The following ERCC4 variants were observed in gnomAD, a reference collection of about 807,000 sequenced individuals.
The protein encoded by ERCC4 is ERCC excision repair 4, endonuclease catalytic subunit.
In ERCC4, 65 loss-of-function variants were observed where a neutral mutation model predicts 76.9. That is an observed-to-expected ratio of 0.84 (90% CI 0.69 to 1.04). The LOEUF (loss-of-function observed/expected upper bound fraction) is 1.04, where lower values mean the gene tolerates loss of function less well. ERCC4 is among the 50% of genes least tolerant of loss of function. The pLI is 0.00. For missense variants in ERCC4, 1,214 were observed against 1,128.2 expected, an observed-to-expected ratio of 1.08 and a Z score of -1.09; for synonymous variants, 463 against 410.1, an observed-to-expected ratio of 1.13 and a Z score of -1.56.
At chr16:13,933,183 A>G in intron 6 of ERCC4, 1 of 220,156 alleles carries the variant, frequency 4.5e-6, no homozygotes, top group South Asian at 4.6e-5. Context: ...TCACACCACT[A>G]TACTCCAGCC....
In ERCC4 at chr16:13,928,144, A is replaced by G. The variant is rs1489721598; in HGVS notation, c.701A>G (p.Asn234Ser). Residue 234 changes from asparagine to serine, a missense_variant, in exon 4 of 11, where the codon AAT (asparagine) becomes AGT (serine). Asn to Ser is a conservative substitution (Grantham distance 46). Coordinates refer to ENST00000311895, the MANE Select transcript of ERCC4 (RefSeq NM_005236.3). ...AIQTAILDIL[N>S]ACLKELKCHN... Reference sequence around the variant, plus strand: ...CAGACTGCTATACTGGACATTTTAAATGCATGTCTAAAGGAACTAAAATGC... The same window carrying G: ...CAGACTGCTATACTGGACATTTTAAGTGCATGTCTAAAGGAACTAAAATGC... 1.9e-6 allele frequency: 3 copies of G among 1,613,222 alleles called. No individual in the cohort carries two copies. Among genetic ancestry groups the G allele is most frequent in the Non-Finnish European group, 2.5e-6 (3 of 1,179,276 alleles).
Position 13,948,682 on chromosome 16 carries a change from G to T in ERCC4, c.*335G>T, listed in dbSNP as rs1051219906. ...ATCCTAACAGATCTCATTTAGAAAG[G>T]AATATGCTAAGCCTGGCATGGACGG... On this transcript the variant is annotated 3_prime_UTR_variant, in exon 11 of 11. Coordinates refer to ENST00000311895, the MANE Select transcript of ERCC4 (RefSeq NM_005236.3). 6 of 306,788 alleles carry T rather than the reference G, an allele frequency of 2.0e-5. No individual in the cohort carries two copies. In the South Asian group the frequency reaches 2.6e-4, roughly 13 times the overall value. 19.0% of individuals were successfully genotyped at this position (306,788 alleles called of 1,614,324 possible). A position where few individuals can be genotyped will look rare whatever the true frequency, so the allele number is the denominator to read the frequency against.
chr16:13,946,668 A>T (rs189934672), intron 10 of ERCC4, among the ~76,000 whole-genome samples: 3 of 152,222 alleles, frequency 2.0e-5, no homozygotes, highest in Non-Finnish European at 4.4e-5. Flanking sequence ...CAGCATTAGC[A>T]TCACCTGGCA....
Position 13,944,731 on chromosome 16 carries a change from C to G in ERCC4, c.1913C>G (p.Ala638Gly). 1.2e-6 allele frequency: 2 copies of G among 1,611,248 alleles called. No homozygotes were observed. Among genetic ancestry groups the G allele is most frequent in the South Asian group, 2.2e-5 (2 of 91,034 alleles). ...AATGTTTTCTCCCACAGGGAAAAAG[C>G]AAGCATGGTTGTCCCTGAAGAAAGA... ...EAFEKLIREK[A>G]SMVVPEEREG... The change falls in exon 10 of 11, where the codon GCA (alanine) becomes GGA (glycine). Residue 638 changes from alanine (A) to glycine (G), a missense_variant. Coordinates refer to ENST00000311895, the MANE Select transcript of ERCC4 (RefSeq NM_005236.3).
chr16:13,926,573 A>T lies in ERCC4; in HGVS notation c.401A>T (p.Tyr134Phe), dbSNP rs745648039. The change falls in exon 3 of 11, where the codon TAT (tyrosine) becomes TTT (phenylalanine). Residue 134 changes from tyrosine (Y) to phenylalanine (F), a missense_variant. Coordinates refer to ENST00000311895, the MANE Select transcript of ERCC4 (RefSeq NM_005236.3). ...TTCTCCCCCTCAGGCATCTTGGTGT[A>T]TAGAGCCCACAGAATAATCGAGTCT... ...PSDLITGILV[Y>F]RAHRIIESCQ... 13 of 1,614,052 alleles carry T rather than the reference A, an allele frequency of 8.1e-6. No individual in the cohort carries two copies. Among genetic ancestry groups the T allele is most frequent in the Non-Finnish European group, 1.1e-5 (13 of 1,179,900 alleles).
At position 13,934,266 on chromosome 16, in the gene ERCC4, G is replaced by T. The variant is rs926937433; in HGVS notation, c.1177G>T (p.Ala393Ser). Residue 393 changes from alanine (A) to serine (S), a missense_variant, in exon 7 of 11, where the codon GCA (alanine) becomes TCA (serine). Physicochemically the swap from Ala to Ser is moderately conservative, Grantham distance 99. Transcript: ENST00000311895. ...GACTGAAGTATTAAAAGAAATTGAG[G>T]CAGAAAATAAGGAGAGTGAAGCTCT... is the stretch of plus-strand genomic sequence containing the variant. ...ALTEVLKEIEAENKESEALGG... is the reference protein window; with the variant it reads ...ALTEVLKEIESENKESEALGG... 6.2e-7 allele frequency: 1 copy of T among 1,612,890 alleles called. No homozygotes were observed.
rs764739776 is a variant in ERCC4, at chr16:13,935,382, A to T, written c.1450A>T (p.Thr484Ser). ...AGAACGGGCTTCTACCAAAGAAAGA[A>T]CCCTCAAAAAGAAAAAACGGAAGTT... ...NKERASTKER[T>S]LKKKKRKLTL... The change falls in exon 8 of 11, where the codon ACC becomes TCC. Residue 484 changes from threonine to serine, a missense_variant. Transcript: ENST00000311895. 1.9e-6 allele frequency: 3 copies of T among 1,607,776 alleles called. No homozygotes were observed. The highest frequency in any genetic ancestry group is 2.2e-5 in the East Asian group (1 of 44,860).
At chr16:13,929,761 C>T (rs2032137949) in intron 4 of ERCC4, among the ~76,000 whole-genome samples, 2 of 152,062 alleles carry the variant, frequency 1.3e-5, no homozygotes, top group African/African-American at 2.4e-5. Context: ...GTCAGGAGAT[C>T]GAGACCATCC....
rs911237028 is a variant in ERCC4, at chr16:13,948,911, G to A, written c.*564G>A. On this transcript the variant is annotated 3_prime_UTR_variant, in exon 11 of 11. Transcript: ENST00000311895. ...GTTCTGACCCTTTGTCTACAAAGGA[G>A]CCTTCTGGAACACTGAGAAGAAACA... 4.3e-6 allele frequency: 1 copy of A among 232,508 alleles called. No individual in the cohort carries two copies. The highest frequency in any genetic ancestry group is 1.8e-4 in the South Asian group (1 of 5,516). 14.4% of individuals were successfully genotyped at this position (232,508 alleles called of 1,614,324 possible).
chr16:13,937,578 C>G (rs187453417), intron 8 of ERCC4, among the ~76,000 whole-genome samples, 188 bp from the exon 9 acceptor site: 1 of 152,134 alleles, frequency 6.6e-6, no homozygotes, highest in Non-Finnish European at 1.5e-5. Context: ...TGTGTGGTAA[C>G]GAGACCTTTA....
chr16:13,937,323 G>A (rs954031395), intron 8 of ERCC4, among the ~76,000 whole-genome samples: 2 of 151,978 alleles, frequency 1.3e-5, no homozygotes, highest in African/African-American at 4.8e-5. Flanking sequence ...ATGTGTGACC[G>A]CTGTATTCTG....
At chr16:13,925,980 T>A (rs1475598315) in intron 2 of ERCC4, among the ~76,000 whole-genome samples, 1 of 152,226 alleles carries the variant, frequency 6.6e-6, no homozygotes, top group Non-Finnish European at 1.5e-5. Flanking sequence ...TGAAGGTTTT[T>A]GTTTTAAATG....
At chr16:13,937,708 C>G in intron 8 of ERCC4, 58 bp from the exon 9 acceptor site, 1 of 1,026,196 alleles carries the variant, frequency 9.7e-7, no homozygotes, top group Non-Finnish European at 1.6e-6. Flanking sequence ...TTCTGCTGTT[C>G]CTTTCAGGGA....
intron 4 of ERCC4, among the ~76,000 whole-genome samples, chr16:13,929,194 G>C (rs576436263): frequency 1.3e-5 from 2 of 151,902 alleles, no homozygotes; most frequent in Non-Finnish European, 2.9e-5. Flanking sequence ...ATTATCCCCC[G>C]GTTAGTAACA....
intron 2 of ERCC4, 79 bp from the exon 3 acceptor site, chr16:13,926,482 A>T: frequency 8.4e-7 from 1 of 1,192,184 alleles, no homozygotes; most frequent in African/African-American, 1.5e-5. Context: ...ATTCTCTTGT[A>T]AGTACTTAAG....
chr16:13,939,495 G>C (rs1596630549), intron 9 of ERCC4, among the ~76,000 whole-genome samples: 1 of 152,150 alleles, frequency 6.6e-6, no homozygotes, highest in African/African-American at 2.4e-5. Flanking sequence ...CTGATCGGGA[G>C]CCGCTTCCCT....
chr16:13,947,710 A>G lies in ERCC4; in HGVS notation c.2114A>G (p.Asp705Gly). 6.2e-7 allele frequency: 1 copy of G among 1,614,266 alleles called. No homozygotes were observed. Among genetic ancestry groups the G allele is most frequent in the Non-Finnish European group, 8.5e-7 (1 of 1,180,050 alleles). The change falls in exon 11 of 11, where the codon GAC (aspartate) becomes GGC (glycine). Residue 705 changes from aspartate (D) to glycine (G), a missense_variant. Coordinates refer to ENST00000311895, the MANE Select transcript of ERCC4 (RefSeq NM_005236.3). ...LPSLIHRRGIDIEPVTLEVGD... is the reference protein window; with the variant it reads ...LPSLIHRRGIGIEPVTLEVGD... Reference sequence around the variant, plus strand: ...TCTCTGATCCATCGTCGGGGCATTGACATTGAACCCGTGACTTTAGAGGTT... The same window carrying G: ...TCTCTGATCCATCGTCGGGGCATTGGCATTGAACCCGTGACTTTAGAGGTT...
At position 13,947,661 on chromosome 16, in the gene ERCC4, C is replaced by G. The variant is rs149364215; in HGVS notation, c.2065C>G (p.Arg689Gly). 6.2e-7 allele frequency: 1 copy of G among 1,614,148 alleles called. No homozygotes were observed. Among genetic ancestry groups the G allele is most frequent in the African/African-American group, 1.3e-5 (1 of 75,044 alleles). ...GTQQSIVVDM[R>G]EFRSELPSLI... ...ACAGCAAAGCATAGTTGTGGATATG[C>G]GTGAATTTCGAAGTGAGCTTCCATC... is the stretch of plus-strand genomic sequence containing the variant. Residue 689 changes from arginine (R) to glycine (G), a missense_variant, in exon 11 of 11, where the codon CGT becomes GGT. Transcript: ENST00000311895.
rs973553577 is a variant in ERCC4, at chr16:13,950,506, C to T, written c.*2159C>T. 1 of 192,922 alleles carries T rather than the reference C, an allele frequency of 5.2e-6. No individual in the cohort carries two copies. The highest frequency in any genetic ancestry group is 1.9e-3 in the Middle Eastern group (1 of 538). 12.0% of individuals were successfully genotyped at this position (192,922 alleles called of 1,614,324 possible). ...TAAAGATTTGGGCTGCTAATTTTTTCCCAGGATTCAAAATATACCCGCTAG... is the reference window on the plus strand; with the variant it reads ...TAAAGATTTGGGCTGCTAATTTTTTTCCAGGATTCAAAATATACCCGCTAG... On this transcript the variant is annotated 3_prime_UTR_variant, in exon 11 of 11. Transcript: ENST00000311895.
Sources: allele counts gnomAD v4.1 joint callset (sites outside exome capture counted in the v4.1 genomes callset), GRCh38; gene constraint gnomAD v4.1.1; transcripts MANE v1.5; gene names NCBI Gene and HGNC (gene_info 2026-07-23, HGNC 2026-07-21).